The following SLC38A10 variants were observed in gnomAD, a reference collection of about 807,000 sequenced individuals.
SLC38A10 encodes the protein Sodium-coupled neutral amino acid transporter 10.
Under a neutral mutation model 81.0 loss-of-function variants are expected in SLC38A10, and 53 were observed. The ratio of observed to expected loss-of-function variants is 0.65; its 90% CI spans 0.53 to 0.82. The LOEUF (loss-of-function observed/expected upper bound fraction) is 0.82, where lower values mean the gene tolerates loss of function less well. Ranked by LOEUF, SLC38A10 falls within the 40% of genes least tolerant of loss-of-function variation. The pLI is 0.00. For missense variants in SLC38A10, 1,471 were observed against 1,545.0 expected, an observed-to-expected ratio of 0.95 and a Z score of 0.80; for synonymous variants, 665 against 655.3, an observed-to-expected ratio of 1.01 and a Z score of -0.23.
In SLC38A10 at chr17:81,272,626, T is replaced by C. The variant is rs2063127363; in HGVS notation, c.914A>G (p.Gln305Arg). 6.5e-7 allele frequency: 1 copy of C among 1,542,922 alleles called. No individual in the cohort carries two copies. Among genetic ancestry groups the C allele is most frequent in the Non-Finnish European group, 8.7e-7 (1 of 1,150,460 alleles). Reference sequence around the variant, plus strand: ...CCCTGCTGCAAAGGTGCCATCTTTTTGCTGTACAAAAGAAAAACAAAAGGT... The same window carrying C: ...CCCTGCTGCAAAGGTGCCATCTTTTCGCTGTACAAAAGAAAAACAAAAGGT... ...ALSTLLCEQQ[Q>R]KDGTFAAGGY... The change falls in exon 9 of 16, where the codon CAA becomes CGA. Residue 305 changes from glutamine to arginine, a missense_variant and splice_region_variant. By Grantham distance (43) the Gln-to-Arg change is conservative. Coordinates refer to ENST00000374759, the MANE Select transcript of SLC38A10 (RefSeq NM_001037984.3).
rs147141590 is a variant in SLC38A10, at chr17:81,252,631, G to A, written c.1509C>T (p.His503=). Residue 503 remains histidine, a synonymous_variant, in exon 13 of 16, where the codon CAC becomes CAT. Transcript: ENST00000374759. ...EAHRHEPPVP[H]DKVVVDEGQD... ...GGCCTTCATCTACCACCACCTTGTC[G>A]TGAGGAACAGGAGGCTCGTGGCGGT... 188 of 1,612,218 alleles carry A rather than the reference G, an allele frequency of 1.2e-4. 1 individual carries two copies. The highest frequency in any genetic ancestry group is 5.9e-4 in the South Asian group (54 of 91,072).
chr17:81,269,576 A>C (rs1246253046), intron 10 of SLC38A10, among the ~76,000 whole-genome samples: 1 of 152,018 alleles, frequency 6.6e-6, no homozygotes, highest in Admixed American at 6.5e-5. Flanking sequence ...AGAATGCCGG[A>C]GGACCTTTGG....
At chr17:81,278,352 C>A (rs1363564496) in intron 6 of SLC38A10, among the ~76,000 whole-genome samples, 1 of 152,074 alleles carries the variant, frequency 6.6e-6, no homozygotes, top group Non-Finnish European at 1.5e-5. Context: ...TCACTGCACT[C>A]CAGCTTGGGT....
At chr17:81,252,048 G>T in intron 13 of SLC38A10, 147 bp downstream of exon 13, 1 of 1,191,344 alleles carries the variant, frequency 8.4e-7, no homozygotes, top group Non-Finnish European at 1.1e-6. Flanking sequence ...CCCACCAGCT[G>T]CCGGGGCCCG....
chr17:81,245,914 G>T lies in SLC38A10; in HGVS notation c.3002C>A (p.Pro1001Gln). 1 of 1,611,654 alleles carries T rather than the reference G, an allele frequency of 6.2e-7. No individual in the cohort carries two copies. Among genetic ancestry groups the T allele is most frequent in the South Asian group, 1.1e-5 (1 of 91,034 alleles). ...GACAGCAGCGTCCTCCCCGCCTCTC[G>T]GCTGCTCGTGGGACACAGGCACATG... The part of the protein sequence containing the change: ...GDHVPVSHEQ[P>Q]RGGEDAAVQE... Residue 1001 changes from proline to glutamine, a missense_variant, in exon 16 of 16, where the codon CCG (proline) becomes CAG (glutamine). By Grantham distance (76) the Pro-to-Gln change is moderately conservative. Coordinates refer to ENST00000374759, the MANE Select transcript of SLC38A10 (RefSeq NM_001037984.3).
At chr17:81,269,844 G>A (rs1440916159) in intron 10 of SLC38A10, among the ~76,000 whole-genome samples, 2 of 151,352 alleles carry the variant, frequency 1.3e-5, no homozygotes, top group Non-Finnish European at 2.9e-5. Flanking sequence ...TTAGCCCGGC[G>A]TGGTGGCTAC....
intron 14 of SLC38A10, 77 bp from the exon 15 acceptor site, chr17:81,247,138 A>G: frequency 6.9e-7 from 1 of 1,450,682 alleles, no homozygotes. Context: ...CGCGGCCCAC[A>G]GCAAGGCAAC....
chr17:81,278,213 C>CACCAG (rs1406415551), intron 6 of SLC38A10, among the ~76,000 whole-genome samples: 2 of 152,172 alleles, frequency 1.3e-5, no homozygotes, highest in South Asian at 2.1e-4. Flanking sequence ...CACAGGACAT[C>CACCAG]CTGACTTTAT....
rs1259265000 is a variant in SLC38A10 at position 81,286,720 on chromosome 17, G to A, written c.218-1825C>T. Among the ~76,000 whole-genome samples the A allele has an allele frequency of 6.6e-6, 1 of 152,134 alleles. No homozygotes were observed. The highest frequency in any genetic ancestry group is 1.5e-5 in the Non-Finnish European group (1 of 68,016). Reference sequence around the variant, plus strand: ...ATGCAGGGTGTACCCTACCCCAGGTGCAGTCAGATCTCCCCCAGAGCCAGC... The same window carrying A: ...ATGCAGGGTGTACCCTACCCCAGGTACAGTCAGATCTCCCCCAGAGCCAGC... On this transcript the variant is annotated intron_variant, in intron 2 of 15. Coordinates refer to ENST00000374759, the MANE Select transcript of SLC38A10 (RefSeq NM_001037984.3). This position sits in a 1 kb window ranked among gnomAD's most constrained non-coding sequence, Gnocchi z 6.0.
At position 81,245,531 on chromosome 17, in the gene SLC38A10, G is replaced by C. The variant is rs2062839421; in HGVS notation, c.*25C>G. 3 of 1,568,030 alleles carry C rather than the reference G, an allele frequency of 1.9e-6. No individual in the cohort carries two copies. Among genetic ancestry groups the C allele is most frequent in the Non-Finnish European group, 2.6e-6 (3 of 1,156,140 alleles). On this transcript the variant is annotated 3_prime_UTR_variant, in exon 16 of 16. Transcript: ENST00000374759. ...TGCTGGCCGAGGAGGGCAGTGGCTGGCGTGGCCCTCATGGCCAGCAGGTGC... is the reference window on the plus strand; with the variant it reads ...TGCTGGCCGAGGAGGGCAGTGGCTGCCGTGGCCCTCATGGCCAGCAGGTGC...
In SLC38A10 at chr17:81,270,377, A is replaced by C. The variant is rs137919500; in HGVS notation, c.1131+541T>G. 1.3e-5 allele frequency among the ~76,000 whole-genome samples: 2 copies of C among 152,316 alleles called. No individual in the cohort carries two copies. Among genetic ancestry groups the C allele is most frequent in the Non-Finnish European group, 2.9e-5 (2 of 68,020 alleles). ...GTCCTTCGGAGACTGGGATTATGGA[A>C]TCTTCCTACCACGGAACCCATGAAA... On this transcript the variant is annotated intron_variant, in intron 10 of 15. Coordinates refer to ENST00000374759, the MANE Select transcript of SLC38A10 (RefSeq NM_001037984.3). The surrounding 1 kb of genome is among the most constrained non-coding windows in gnomAD (Gnocchi z 4.0).
chr17:81,248,939 C>T (rs1055040329), intron 14 of SLC38A10, among the ~76,000 whole-genome samples: 12 of 152,236 alleles, frequency 7.9e-5, no homozygotes, highest in East Asian at 3.9e-4. Context: ...GCAGGTCTCC[C>T]GCACACCTCC....
In SLC38A10 at chr17:81,291,510, C is replaced by T. The variant is rs563136092; in HGVS notation, c.100-1702G>A. On this transcript the variant is annotated intron_variant, in intron 1 of 15. Coordinates refer to ENST00000374759, the MANE Select transcript of SLC38A10 (RefSeq NM_001037984.3). ...TCAAAAAAAAAAAAAAAAAGTAAGT[C>T]TATTAATACCAAAAACTCATGAGAT... 4.6e-5 allele frequency among the ~76,000 whole-genome samples: 7 copies of T among 150,600 alleles called. No individual in the cohort carries two copies. The South Asian group carries it at 8.4e-4, about 18-fold the overall frequency.
At position 81,276,917 on chromosome 17, in the gene SLC38A10, G is replaced by A; in HGVS notation, c.729+114C>T. 4.6e-6 allele frequency: 5 copies of A among 1,084,078 alleles called. No individual in the cohort carries two copies. Among genetic ancestry groups the A allele is most frequent in the Non-Finnish European group, 6.9e-6 (5 of 720,994 alleles). 67.2% of individuals were successfully genotyped at this position (1,084,078 alleles called of 1,614,324 possible). A position where few individuals can be genotyped will look rare whatever the true frequency, so the allele number is the denominator to read the frequency against. On this transcript the variant is annotated intron_variant, in intron 7 of 15. Coordinates refer to ENST00000374759, the MANE Select transcript of SLC38A10 (RefSeq NM_001037984.3). The surrounding 1 kb of genome is among the most constrained non-coding windows in gnomAD (Gnocchi z 4.7). ...CCAGACACTGGGATGGGAACAGAGAGAAAAACCCAGCAGCACACAGGGCCA... is the reference window on the plus strand; with the variant it reads ...CCAGACACTGGGATGGGAACAGAGAAAAAAACCCAGCAGCACACAGGGCCA...
In SLC38A10 at chr17:81,245,658, A is replaced by AG; in HGVS notation, c.3257_3258insC (p.Gly1087TrpfsTer24). 1 of 1,611,910 alleles carries AG rather than the reference A, an allele frequency of 6.2e-7. No homozygotes were observed. The highest frequency in any genetic ancestry group is 1.1e-5 in the South Asian group (1 of 90,972). On this transcript the variant is annotated frameshift_variant, in exon 16 of 16. Transcript: ENST00000374759. LOFTEE classifies it low-confidence loss of function (END_TRUNC). ...GGCGGAGCTGGGCATCCAGGGCGCC[A>AG]CGGAGGTCGTTCACCTGGACATCAG...
intron 14 of SLC38A10, among the ~76,000 whole-genome samples, chr17:81,248,814 G>C (rs1168163340): frequency 6.6e-6 from 1 of 152,170 alleles, no homozygotes; most frequent in Non-Finnish European, 1.5e-5. Flanking sequence ...GTGGGGGACA[G>C]GGCTGGCTCC....
chr17:81,247,414 T>C (rs1260982484), intron 14 of SLC38A10: 2 of 217,780 alleles, frequency 9.2e-6, no homozygotes, highest in African/African-American at 4.6e-5. Context: ...TGGAAGTGAG[T>C]GTCCAGAGCA....
At chr17:81,255,869 G>A (rs1216683034) in intron 11 of SLC38A10, among the ~76,000 whole-genome samples, 2 of 152,208 alleles carry the variant, frequency 1.3e-5, no homozygotes, top group Non-Finnish European at 2.9e-5. Flanking sequence ...TGTATTCTCG[G>A]CTACTCAGAG....
In SLC38A10 at chr17:81,282,262, T is replaced by A; in HGVS notation, c.428A>T (p.Gln143Leu). The A allele has an allele frequency of 6.2e-7, 1 of 1,613,618 alleles. No individual in the cohort carries two copies. Among genetic ancestry groups the A allele is most frequent in the Non-Finnish European group, 8.5e-7 (1 of 1,180,030 alleles). Residue 143 changes from glutamine (Q) to leucine (L), a missense_variant, in exon 5 of 16, where the codon CAG becomes CTG. Coordinates refer to ENST00000374759, the MANE Select transcript of SLC38A10 (RefSeq NM_001037984.3). Reference protein sequence around the residue: ...SLCIVLPLSLQRNMMASIQSF... With the variant: ...SLCIVLPLSLLRNMMASIQSF... ...CTGGATGGAGGCCATCATGTTCCGC[T>A]GCAGGCTGAGCGGGAGCACGATGCA...
Sources: allele counts gnomAD v4.1 joint callset (sites outside exome capture counted in the v4.1 genomes callset), GRCh38; gene constraint gnomAD v4.1.1; non-coding constraint Gnocchi (gnomAD v3.1); transcripts MANE v1.5; gene names NCBI Gene and HGNC (gene_info 2026-07-23, HGNC 2026-07-21).